The following CLASP1 variants were observed in gnomAD, a reference collection of about 807,000 sequenced individuals.
The protein encoded by CLASP1 is CLIP-associating protein 1.
Under a neutral mutation model 192.3 loss-of-function variants are expected in CLASP1, and 38 were observed. The observed-to-expected ratio is 0.20, with a 90% confidence interval of 0.15 to 0.26. The LOEUF (loss-of-function observed/expected upper bound fraction) is 0.26, where lower values mean the gene tolerates loss of function less well. Ranked by LOEUF, CLASP1 falls within the 10% of genes least tolerant of loss-of-function variation. The pLI is 1.00. For synonymous variants in CLASP1, 691 were observed against 712.8 expected (o/e 0.97, Z 0.49); for missense variants, 1,433 against 1,932.5 (o/e 0.74, Z 4.85).
At chr2:121,346,957 T>G in intron 39 of CLASP1, 81 bp downstream of exon 40, 3 of 832,444 alleles carry the variant, frequency 3.6e-6, no homozygotes, top group Non-Finnish European at 5.8e-6. Context: ...CTGTCTGGAA[T>G]CCAGAGCTGC....
At chr2:121,558,430 G>A (rs938867655) in intron 2 of CLASP1, among the ~76,000 whole-genome samples, 2 of 152,224 alleles carry the variant, frequency 1.3e-5, no homozygotes, top group Non-Finnish European at 1.5e-5. Context: ...CAATGCTGCA[G>A]TACTGAAAGG....
At chr2:121,439,586 A>G (rs2082913070) in intron 19 of CLASP1, among the ~76,000 whole-genome samples, 1 of 151,950 alleles carries the variant, frequency 6.6e-6, no homozygotes, top group Non-Finnish European at 1.5e-5. Flanking sequence ...TTATGTACCC[A>G]GTAGTCATTC....
chr2:121,450,987 G>A, exon 16 of CLASP1: 4 of 1,575,648 alleles, frequency 2.5e-6, no homozygotes, highest in East Asian at 2.2e-5. Context: ...ATACTGATAT[G>A]TGTCTAGATA....
chr2:121,567,018 T>G (rs1256596587), intron 2 of CLASP1, among the ~76,000 whole-genome samples: 1 of 152,232 alleles, frequency 6.6e-6, no homozygotes, highest in Admixed American at 6.5e-5. Flanking sequence ...GTTTGGGTTC[T>G]GAACACAGAT....
intron 1 of CLASP1, among the ~76,000 whole-genome samples, chr2:121,642,907 T>C (rs1385579748): frequency 2.6e-5 from 4 of 152,204 alleles, no homozygotes; most frequent in Non-Finnish European, 5.9e-5. Flanking sequence ...GAGTGATATA[T>C]CGGGAAGTAA....
chr2:121,625,893 G>A (rs184661776), intron 1 of CLASP1, among the ~76,000 whole-genome samples: 5 of 151,878 alleles, frequency 3.3e-5, no homozygotes, highest in East Asian at 2.0e-4. Context: ...AGATCAAGAC[G>A]ATGGAGACCA....
intron 7 of CLASP1, among the ~76,000 whole-genome samples, chr2:121,506,764 G>T (rs181091429): frequency 6.6e-6 from 1 of 152,276 alleles, no homozygotes; most frequent in East Asian, 1.9e-4. Context: ...AGTCAGTAGA[G>T]GCTGGGAGAC....
intron 23 of CLASP1, 90 bp downstream of exon 23, chr2:121,418,532 G>T: frequency 1.2e-6 from 1 of 855,498 alleles, no homozygotes; most frequent in Non-Finnish European, 2.0e-6. Flanking sequence ...GACAGTAGAG[G>T]AGGAAAAGCA....
intron 19 of CLASP1, chr2:121,444,881 G>A: frequency 8.2e-7 from 1 of 1,219,594 alleles, no homozygotes; most frequent in Non-Finnish European, 1.1e-6. Context: ...AACACTCGGT[G>A]AGAACAGAGG....
At chr2:121,363,117 A>C in intron 37 of CLASP1, 55 bp downstream of exon 38, 1 of 1,604,884 alleles carries the variant, frequency 6.2e-7, no homozygotes. Flanking sequence ...CTCCATGTCC[A>C]AACTGCTCCT....
At chr2:121,512,511 A>G (rs957366028) in intron 7 of CLASP1, among the ~76,000 whole-genome samples, 2 of 152,258 alleles carry the variant, frequency 1.3e-5, no homozygotes, top group Non-Finnish European at 2.9e-5. Context: ...CTATACCTTT[A>G]GGGCCTCAAC....
intron 39 of CLASP1, 91 bp downstream of exon 40, chr2:121,346,947 C>A: frequency 1.3e-6 from 1 of 758,976 alleles, no homozygotes; most frequent in East Asian, 2.7e-5. Flanking sequence ...TGAACAAAAC[C>A]TGTCTGGAAT....
intron 37 of CLASP1, among the ~76,000 whole-genome samples, chr2:121,354,569 C>T (rs1477002866): frequency 6.6e-6 from 1 of 152,198 alleles, no homozygotes; most frequent in East Asian, 1.9e-4. Flanking sequence ...AGCAATGAAA[C>T]CATGCTCAGA....
chr2:121,425,090 A>C, intron 22 of CLASP1, 49 bp downstream of exon 22: 1 of 1,540,870 alleles, frequency 6.5e-7, no homozygotes. Context: ...TATAATCAAA[A>C]CTATGACCAA....
intron 2 of CLASP1, among the ~76,000 whole-genome samples, chr2:121,542,365 G>A (rs575377819): frequency 6.6e-6 from 1 of 152,320 alleles, no homozygotes; most frequent in African/African-American, 2.4e-5. Context: ...AAACAGGACT[G>A]TGCCCTGCTG....
At chr2:121,367,657 T>A in exon 35 of CLASP1, 1 of 1,614,016 alleles carries the variant, frequency 6.2e-7, no homozygotes, top group Non-Finnish European at 8.5e-7. Flanking sequence ...TAGGTGTTGA[T>A]GGCATCTGAG....
chr2:121,645,945 G>A (rs919257188), intron 1 of CLASP1, among the ~76,000 whole-genome samples: 1 of 152,310 alleles, frequency 6.6e-6, no homozygotes, highest in Admixed American at 6.5e-5. Context: ...GCATTTTAGA[G>A]GTCATTTAGT....
chr2:121,510,286 C>T (rs948021374), intron 7 of CLASP1, among the ~76,000 whole-genome samples: 1 of 152,066 alleles, frequency 6.6e-6, no homozygotes, highest in South Asian at 2.1e-4. Flanking sequence ...AAGGCAAAAA[C>T]TGACAAACCT....
intron 6 of CLASP1, among the ~76,000 whole-genome samples, chr2:121,517,734 C>G (rs76971393): frequency 0.25 from 37,798 of 151,716 alleles, 7,480 homozygotes; most frequent in African/African-American, 0.55. Flanking sequence ...TGGTACTCAG[C>G]TACAGTCCTA....
Sources: allele counts gnomAD v4.1 joint callset (sites outside exome capture counted in the v4.1 genomes callset), GRCh38; gene constraint gnomAD v4.1.1; transcripts MANE v1.5; gene names NCBI Gene and HGNC (gene_info 2026-07-23, HGNC 2026-07-21).